Variants in TRMO observed in about 807,000 individuals in gnomAD.
The protein encoded by TRMO is tRNA (adenine(37)-N6)-methyltransferase.
Under a neutral mutation model 37.2 loss-of-function variants are expected in TRMO, and 30 were observed. The observed-to-expected ratio is 0.81, with a 90% CI of 0.60 to 1.09. TRMO has a LOEUF of 1.09. Among genes scored for constraint, TRMO ranks in the 50% least tolerant of loss-of-function variants. The probability of loss-of-function intolerance (pLI) is 0.00; values close to 1 mark genes in which losing one functional copy is unlikely to be tolerated. For missense variants in TRMO, 552 were observed against 549.5 expected, an observed-to-expected ratio of 1.00 and a Z score of -0.05; for synonymous variants, 239 against 199.4, an observed-to-expected ratio of 1.20 and a Z score of -1.67.
At chr9:97,913,624 A>T in intron 2 of TRMO, 66 bp from the exon 3 acceptor site, 1 of 1,087,396 alleles carries the variant, frequency 9.2e-7, no homozygotes, top group Non-Finnish European at 1.4e-6. Flanking sequence ...TACCACAATG[A>T]TCTGATGGGG....
intron 4 of TRMO, among the ~76,000 whole-genome samples, chr9:97,909,318 G>A (rs944794741): frequency 6.6e-6 from 1 of 152,034 alleles, no homozygotes. Context: ...TTCATCCTAG[G>A]CTACTGCTTG....
Position 97,922,451 on chromosome 9 carries a change from G to C in TRMO, c.43C>G (p.Pro15Ala), listed in dbSNP as rs751488458. 1.9e-6 allele frequency: 3 copies of C among 1,588,594 alleles called. No individual in the cohort carries two copies. The highest frequency in any genetic ancestry group is 2.6e-6 in the Non-Finnish European group (3 of 1,168,404). ...EESGPRPTAT[P>A]CGCVKPALET... ...AGAGCCGGCTTAACGCAGCCGCACGGGGTCGCTGTAGGCCGAGGCCCCGAC... is the reference window on the plus strand; with the variant it reads ...AGAGCCGGCTTAACGCAGCCGCACGCGGTCGCTGTAGGCCGAGGCCCCGAC... The change falls in exon 1 of 5, where the codon CCG becomes GCG. Residue 15 changes from proline to alanine, a missense_variant. Pro to Ala is a conservative substitution (Grantham distance 27). Transcript: ENST00000375119.
At chr9:97,899,021 G>A in the TRMO span, among the ~76,000 whole-genome samples, 1 of 151,218 alleles carries the variant, frequency 6.6e-6, no homozygotes, top group East Asian at 1.9e-4. Flanking sequence ...TTTATTTTTA[G>A]TAGAGACGGG....
intron 1 of TRMO, among the ~76,000 whole-genome samples, chr9:97,919,787 CTAAT>C (rs1826541510): frequency 6.6e-6 from 1 of 152,168 alleles, no homozygotes; most frequent in South Asian, 2.1e-4. Context: ...CTTCTATCCT[CTAAT>C]TAGATTTACT....
chr9:97,921,717 C>T (rs1264565073), intron 1 of TRMO, among the ~76,000 whole-genome samples: 1 of 152,158 alleles, frequency 6.6e-6, no homozygotes, highest in Non-Finnish European at 1.5e-5. Context: ...AGCCGCTGCG[C>T]CCGGCCCAAA....
intron 3 of TRMO, 112 bp downstream of exon 3, chr9:97,913,289 G>A: frequency 3.3e-6 from 4 of 1,213,214 alleles, no homozygotes; most frequent in Non-Finnish European, 4.8e-6. Flanking sequence ...TGGTTCTCAG[G>A]AGTTAACATC....
intron 1 of TRMO, among the ~76,000 whole-genome samples, chr9:97,917,846 T>C (rs1826442856): frequency 7.5e-6 from 1 of 133,894 alleles, no homozygotes. Flanking sequence ...GCCCATCTAA[T>C]TTTTTTTTTT....
intron 1 of TRMO, among the ~76,000 whole-genome samples, chr9:97,921,977 C>T (rs952891331): frequency 6.6e-6 from 1 of 152,098 alleles, no homozygotes; most frequent in African/African-American, 2.4e-5. Context: ...CAAATTCATG[C>T]CTTGTCTTTC....
chr9:97,899,127 C>T, the TRMO span, among the ~76,000 whole-genome samples: 3 of 151,976 alleles, frequency 2.0e-5, no homozygotes, highest in Non-Finnish European at 2.9e-5. Context: ...CATGAGCCAC[C>T]GCACCCGGCC....
chr9:97,922,467 A>G lies in TRMO; in HGVS notation c.27T>C (p.Pro9=). Residue 9 remains proline, a synonymous_variant, in exon 1 of 5, where the codon CCT becomes CCC. Transcript: ENST00000375119. MRGLEESG[P]RPTATPCGCV... ...AGCCGCACGGGGTCGCTGTAGGCCG[A>G]GGCCCCGACTCCTCCAAGCCGCGCA... The G allele has an allele frequency of 6.3e-7, 1 of 1,587,100 alleles. No individual in the cohort carries two copies. Among genetic ancestry groups the G allele is most frequent in the Non-Finnish European group, 8.6e-7 (1 of 1,167,980 alleles).
downstream of TRMO, among the ~76,000 whole-genome samples, chr9:97,903,876 G>A (rs1241281288): frequency 1.3e-5 from 2 of 152,070 alleles, no homozygotes; most frequent in Admixed American, 6.6e-5. Context: ...GGTGGATCAC[G>A]AGGTCAGGAA....
In TRMO at chr9:97,910,379, T is replaced by C. The variant is rs774494137; in HGVS notation, c.647A>G (p.Lys216Arg). ...CDEPQPHHSTKRKPKCPEDRT... is the reference protein window; with the variant it reads ...CDEPQPHHSTRRKPKCPEDRT... Reference sequence around the variant, plus strand: ...GTCTTCAGGACATTTAGGTTTCCTCTTAGTGCTATGGTGGGGTTGTGGCTC... The same window carrying C: ...GTCTTCAGGACATTTAGGTTTCCTCCTAGTGCTATGGTGGGGTTGTGGCTC... The change falls in exon 4 of 5, where the codon AAG becomes AGG. Residue 216 changes from lysine to arginine, a missense_variant. Coordinates refer to ENST00000375119, the MANE Select transcript of TRMO (RefSeq NM_016481.5). The C allele has an allele frequency of 6.2e-7, 1 of 1,614,232 alleles. No homozygotes were observed. Among genetic ancestry groups the C allele is most frequent in the East Asian group, 2.2e-5 (1 of 44,888 alleles).
At chr9:97,910,988 G>T (rs1040174684) in intron 3 of TRMO, 2 of 478,592 alleles carry the variant, frequency 4.2e-6, no homozygotes, top group Non-Finnish European at 4.1e-6. Context: ...ACGCAGGCAG[G>T]CCCCTTAACA....
At chr9:97,910,652 C>G (rs1403153803) in intron 3 of TRMO, 36 bp from the exon 4 acceptor site, 1 of 1,601,206 alleles carries the variant, frequency 6.2e-7, no homozygotes, top group East Asian at 2.2e-5. Flanking sequence ...AAGAACAGTG[C>G]AAACACTTGG....
chr9:97,916,989 C>T (rs1450844861), intron 1 of TRMO, among the ~76,000 whole-genome samples: 4 of 151,402 alleles, frequency 2.6e-5, no homozygotes, highest in African/African-American at 7.3e-5. Flanking sequence ...TTAGTAGAGA[C>T]GGGGTTTCAC....
intron 1 of TRMO, among the ~76,000 whole-genome samples, chr9:97,918,509 CTTT>C (rs1054391686): frequency 4.6e-5 from 7 of 151,722 alleles, no homozygotes; most frequent in African/African-American, 1.7e-4. Context: ...TTATTGATAA[CTTT>C]TTTATTATTC....
downstream of TRMO, chr9:97,904,445 A>C: frequency 8.7e-7 from 1 of 1,155,694 alleles, no homozygotes; most frequent in Non-Finnish European, 1.1e-6. Flanking sequence ...TAATTTTATC[A>C]AGTGCACCAA....
intron 3 of TRMO, chr9:97,912,750 G>A: frequency 2.7e-6 from 1 of 375,784 alleles, no homozygotes; most frequent in Middle Eastern, 3.8e-4. Flanking sequence ...TAGTTTACCT[G>A]CCATTTCATC....
intron 2 of TRMO, among the ~76,000 whole-genome samples, chr9:97,915,241 CA>C (rs1826301692): frequency 6.6e-6 from 1 of 152,092 alleles, no homozygotes; most frequent in East Asian, 1.9e-4. Context: ...TTAAAGTATC[CA>C]GATTTCTACA....
Sources: gnomAD v4.1 joint callset for allele counts (sites outside exome capture counted in the v4.1 genomes callset) on GRCh38, gnomAD v4.1.1 for gene constraint, MANE v1.5 for transcripts, NCBI Gene and HGNC (gene_info 2026-07-23, HGNC 2026-07-21) for gene names.